The following PIK3R3 variants were observed in gnomAD, a reference collection of about 807,000 sequenced individuals.
The protein encoded by PIK3R3 is phosphoinositide-3-kinase regulatory subunit 3, also known as phosphatidylinositol 3-kinase regulatory subunit gamma.
PIK3R3 carries 64 observed loss-of-function variants against 62.9 expected under a neutral mutation model. That is an observed-to-expected ratio of 1.02 (90% confidence interval 0.83 to 1.25). The LOEUF (loss-of-function observed/expected upper bound fraction) is 1.25. Among genes scored for constraint, PIK3R3 ranks in the 50% most tolerant of loss-of-function variants. The pLI is 0.00. For synonymous variants in PIK3R3, 165 were observed against 189.0 expected, an observed-to-expected ratio of 0.87 and a Z score of 1.04; for missense variants, 614 against 561.6, an observed-to-expected ratio of 1.09 and a Z score of -0.94.
At position 46,045,617 on chromosome 1, in the gene PIK3R3, C is replaced by CTTTTTTT. The variant is rs1031388121; in HGVS notation, c.1187+294_1187+300dup. 2.1e-3 allele frequency among the ~76,000 whole-genome samples: 44 copies of CTTTTTTT among 21,212 alleles called. 7 individuals carry two copies. The highest frequency in any genetic ancestry group is 8.3e-3 in the African/African-American group (38 of 4,558). 13.9% of individuals were successfully genotyped at this position (21,212 alleles called of 152,430 possible). A position where few individuals can be genotyped will look rare whatever the true frequency, so the allele number is the denominator to read the frequency against. ...TAGGATACTACTAAACAATTAAGTG[C>CTTTTTTT]TTTTTTTTTTTTTTTTTTTTTTTTT... On this transcript the variant is annotated intron_variant, in intron 9 of 9. Coordinates refer to ENST00000262741, the MANE Select transcript of PIK3R3 (RefSeq NM_003629.4).
At chr1:46,076,520 G>A (rs1650079087) in intron 3 of PIK3R3, among the ~76,000 whole-genome samples, 1 of 152,192 alleles carries the variant, frequency 6.6e-6, no homozygotes, top group Non-Finnish European at 1.5e-5. Flanking sequence ...ATGAATTACT[G>A]TAGAACACTG....
chr1:46,108,859 CA>C (rs1402694669), intron 1 of PIK3R3, among the ~76,000 whole-genome samples: 7 of 152,024 alleles, frequency 4.6e-5, no homozygotes, highest in African/African-American at 1.7e-4. Flanking sequence ...CTTTCATCTT[CA>C]AAAAAATTAT....
chr1:46,056,923 A>C (rs1647976049), intron 6 of PIK3R3: 1 of 152,262 alleles, frequency 6.6e-6, no homozygotes, highest in African/African-American at 2.4e-5. Context: ...CTCTGCTGTC[A>C]CTTGCTGTGG....
At chr1:46,125,762 T>C (rs1166861001) in intron 1 of PIK3R3, among the ~76,000 whole-genome samples, 1 of 141,786 alleles carries the variant, frequency 7.1e-6, no homozygotes, top group African/African-American at 2.5e-5. Context: ...CTAGAGTTTC[T>C]TTTTTTTTTT....
chr1:46,162,255 G>A, the PIK3R3 span, among the ~76,000 whole-genome samples: 1 of 152,086 alleles, frequency 6.6e-6, no homozygotes, highest in African/African-American at 2.4e-5. Flanking sequence ...AGGCCCAGGT[G>A]GGGGACCACT....
intron 5 of PIK3R3, among the ~76,000 whole-genome samples, chr1:46,062,576 A>AAAAAC (rs112919607): frequency 4.6e-4 from 69 of 151,204 alleles, no homozygotes; most frequent in African/African-American, 1.6e-3. Context: ...CTTTGTCTCA[A>AAAAAC]AAAAACAAAA....
the PIK3R3 span, among the ~76,000 whole-genome samples, chr1:46,156,089 A>C: frequency 6.6e-6 from 1 of 152,186 alleles, no homozygotes; most frequent in Admixed American, 6.5e-5. Flanking sequence ...TGTATCTTAA[A>C]ATGTGAAACT....
chr1:46,149,577 C>T, the PIK3R3 span, among the ~76,000 whole-genome samples: 1 of 151,966 alleles, frequency 6.6e-6, no homozygotes, highest in African/African-American at 2.4e-5. Flanking sequence ...TGCTTTGTCA[C>T]CCAGGCTGGA....
At chr1:46,087,015 G>A (rs1651122587) in intron 1 of PIK3R3, among the ~76,000 whole-genome samples, 1 of 152,092 alleles carries the variant, frequency 6.6e-6, no homozygotes. Context: ...CTATCGCAAG[G>A]ACAGAAAAAC....
chr1:46,171,494 G>A, the PIK3R3 span, among the ~76,000 whole-genome samples: 1 of 152,308 alleles, frequency 6.6e-6, no homozygotes, highest in South Asian at 2.1e-4. Flanking sequence ...CAGAGGTGAG[G>A]AAGGAACAGA....
At chr1:46,078,605 C>T (rs1349855464) in intron 2 of PIK3R3, among the ~76,000 whole-genome samples, 3 of 152,066 alleles carry the variant, frequency 2.0e-5, no homozygotes, top group Non-Finnish European at 4.4e-5. Context: ...ACAGAATTAC[C>T]TACCATATGA....
In PIK3R3 at chr1:46,132,205, G is replaced by C; in HGVS notation, c.-253C>G. On this transcript the variant is annotated 5_prime_UTR_variant, in exon 1 of 10. Transcript: ENST00000262741. ...CTCAGAGGATTACACAGAGGCTTGG[G>C]GGACGGAGAGCAGAGGTGTTAAAAA... is the stretch of plus-strand genomic sequence containing the variant. 8.0e-7 allele frequency: 1 copy of C among 1,248,502 alleles called. No homozygotes were observed. Among genetic ancestry groups the C allele is most frequent in the Non-Finnish European group, 1.0e-6 (1 of 988,648 alleles). The allele number at this position is 1,248,502 out of a possible 1,614,324, so 77.3% of individuals were successfully genotyped here.
At chr1:46,123,602 T>C (rs1268554504) in intron 1 of PIK3R3, among the ~76,000 whole-genome samples, 4 of 152,258 alleles carry the variant, frequency 2.6e-5, no homozygotes, top group South Asian at 2.1e-4. Context: ...GACAAACTTA[T>C]AGTGAGGGGT....
intron 1 of PIK3R3, among the ~76,000 whole-genome samples, chr1:46,126,080 C>A (rs1655070360): frequency 6.6e-6 from 1 of 151,668 alleles, no homozygotes; most frequent in South Asian, 2.1e-4. Context: ...GTTTCTAAGA[C>A]CCTTCAGAGG....
intron 1 of PIK3R3, among the ~76,000 whole-genome samples, chr1:46,092,462 C>T (rs1368283491): frequency 6.6e-6 from 1 of 152,202 alleles, no homozygotes; most frequent in African/African-American, 2.4e-5. Context: ...CTCCCAGATT[C>T]AAGCAATTCT....
intron 1 of PIK3R3, among the ~76,000 whole-genome samples, chr1:46,128,209 C>T (rs987001431): frequency 1.3e-5 from 2 of 152,146 alleles, no homozygotes; most frequent in African/African-American, 2.4e-5. Flanking sequence ...CCGAGGTGGG[C>T]AGATCACTTG....
intron 3 of PIK3R3, among the ~76,000 whole-genome samples, chr1:46,072,892 T>C (rs745461831): frequency 3.3e-5 from 5 of 151,906 alleles, no homozygotes; most frequent in Non-Finnish European, 5.9e-5. Context: ...TGAGCTATGA[T>C]CACATCACTG....
chr1:46,166,612 C>T, the PIK3R3 span, among the ~76,000 whole-genome samples: 4 of 152,174 alleles, frequency 2.6e-5, no homozygotes, highest in Non-Finnish European at 1.5e-5. Context: ...TCGGCATGCC[C>T]TTCCCCCACC....
At chr1:46,147,130 G>A in the PIK3R3 span, among the ~76,000 whole-genome samples, 1 of 152,098 alleles carries the variant, frequency 6.6e-6, no homozygotes, top group Non-Finnish European at 1.5e-5. Context: ...TTTTTGAGAT[G>A]GAATCACGCT....
Sources: allele counts gnomAD v4.1 joint callset (sites outside exome capture counted in the v4.1 genomes callset), GRCh38; gene constraint gnomAD v4.1.1; transcripts MANE v1.5; gene names NCBI Gene and HGNC (gene_info 2026-07-23, HGNC 2026-07-21).